Variants in PLXNA1 observed in about 807,000 individuals in gnomAD.
The protein encoded by PLXNA1 is plexin A1, also known as plexin-A1.
PLXNA1 carries 77 observed loss-of-function variants against 191.7 expected under a neutral mutation model. The ratio of observed to expected loss-of-function variants is 0.40; its 90% CI spans 0.33 to 0.49. PLXNA1 has a LOEUF of 0.49. Ranked by LOEUF, PLXNA1 falls within the 20% of genes least tolerant of loss-of-function variation. The probability of loss-of-function intolerance (pLI) is 0.63; values close to 1 mark genes in which losing one functional copy is unlikely to be tolerated. For synonymous variants in PLXNA1, 1,137 were observed against 1,156.4 expected, an observed-to-expected ratio of 0.98 and a Z score of 0.34; for missense variants, 2,110 against 2,660.2, an observed-to-expected ratio of 0.79 and a Z score of 4.55.
chr3:127,028,789 G>GGGGCT (rs2107637825), intron 25 of PLXNA1: 1 of 592,042 alleles, frequency 1.7e-6, no homozygotes, highest in Admixed American at 3.0e-5. Flanking sequence ...CCCTTAGGCT[G>GGGGCT]GGGCTGCTGT....
Position 127,014,314 on chromosome 3 carries a change from C to G in PLXNA1, c.2543C>G (p.Pro848Arg), listed in dbSNP as rs1215514835. The change falls in exon 12 of 32, where the codon CCT (proline) becomes CGT (arginine). Residue 848 changes from proline to arginine, a missense_variant. Pro to Arg is a moderately radical substitution (Grantham distance 103, BLOSUM62 -2). This residue lies in a region of PLXNA1 where 644 missense variants were observed against 714.3 expected (regional missense o/e 0.90). Coordinates refer to ENST00000393409, the MANE Select transcript of PLXNA1 (RefSeq NM_032242.4). ...CGACACCACTGCGCTGCCGACACAC[C>G]TGCATCGTGGATGCACGCGCGTCAC... ...SLRHHCAADTPASWMHARHGS... is the reference protein window; with the variant it reads ...SLRHHCAADTRASWMHARHGS... 3 of 1,597,526 alleles carry G rather than the reference C, an allele frequency of 1.9e-6. No homozygotes were observed. In the East Asian group the frequency reaches 6.7e-5, roughly 36 times the overall value.
chr3:127,016,437 A>AC, intron 15 of PLXNA1, 80 bp from the exon 16 acceptor site: 1 of 1,293,926 alleles, frequency 7.7e-7, no homozygotes, highest in Non-Finnish European at 1.1e-6. Context: ...CGCTGTTCCC[A>AC]CCGTCCCTCA....
At chr3:126,994,977 C>A (rs1317101555) in intron 3 of PLXNA1, among the ~76,000 whole-genome samples, 1 of 150,030 alleles carries the variant, frequency 6.7e-6, no homozygotes, top group East Asian at 1.9e-4. Context: ...CCCTGGGGAC[C>A]CCCAGCCCAC....
chr3:127,005,271 G>T, intron 7 of PLXNA1, 28 bp downstream of exon 7: 2 of 1,583,852 alleles, frequency 1.3e-6, no homozygotes, highest in Non-Finnish European at 8.6e-7. Flanking sequence ...AATGGTGCCC[G>T]CTGCCTGGCC....
chr3:126,991,006 A>G (rs1038421485), intron 2 of PLXNA1, among the ~76,000 whole-genome samples: 1 of 151,674 alleles, frequency 6.6e-6, no homozygotes, highest in Admixed American at 6.5e-5. Flanking sequence ...CTTCCTCCTG[A>G]GCAGCCTGGC....
chr3:127,006,858 C>T (rs2079070987), intron 8 of PLXNA1, among the ~76,000 whole-genome samples: 1 of 152,182 alleles, frequency 6.6e-6, no homozygotes, highest in Admixed American at 6.5e-5. Context: ...CTGTGAGTCC[C>T]ACTGTGAGCC....
intron 29 of PLXNA1, among the ~76,000 whole-genome samples, chr3:127,031,480 T>C (rs1419245767): frequency 6.6e-6 from 1 of 152,186 alleles, no homozygotes; most frequent in Non-Finnish European, 1.5e-5. Context: ...CCGTGCATCC[T>C]GCTGGGGTCT....
chr3:127,021,019 C>T (rs1474122146), intron 21 of PLXNA1, among the ~76,000 whole-genome samples: 4 of 152,342 alleles, frequency 2.6e-5, no homozygotes, highest in African/African-American at 4.8e-5. Context: ...TGGCGAGCCA[C>T]GGCCAGGGGC....
At chr3:127,029,735 C>G in intron 27 of PLXNA1, 139 bp from the exon 28 acceptor site, 1 of 1,126,256 alleles carries the variant, frequency 8.9e-7, no homozygotes, top group South Asian at 1.5e-5. Context: ...CACAATTATG[C>G]CACCTCTGTG....
At chr3:126,999,663 G>A (rs758976963) in intron 3 of PLXNA1, among the ~76,000 whole-genome samples, 12 of 152,214 alleles carry the variant, frequency 7.9e-5, no homozygotes, top group Non-Finnish European at 1.6e-4. Context: ...GCTGCCCGCC[G>A]GCAGCAGTTG....
Position 127,015,336 on chromosome 3 carries a change from G to T in PLXNA1, c.3014+16G>T, listed in dbSNP as rs374875401. The stretch of plus-strand genomic sequence containing the variant: ...CCTTCTCCTGGTACGGGGTGCAGGT[G>T]GGGGTGGGGGCCTGGCTGCCCCTCC... On this transcript the variant is annotated intron_variant, in intron 15 of 31. Coordinates refer to ENST00000393409, the MANE Select transcript of PLXNA1 (RefSeq NM_032242.4). 74 of 1,587,860 alleles carry T rather than the reference G, an allele frequency of 4.7e-5. No individual in the cohort carries two copies. The highest frequency in any genetic ancestry group is 1.7e-4 in the Middle Eastern group (1 of 5,960).
chr3:127,025,457 A>T lies in PLXNA1; in HGVS notation c.4363-2483A>T, dbSNP rs147256375. On this transcript the variant is annotated intron_variant, in intron 23 of 31. Transcript: ENST00000393409. ...AAAAATTTGTTATGGTGAAATACAC[A>T]TGACATAAAATTTACCATCTTAACC... Among the ~76,000 whole-genome samples the T allele has an allele frequency of 2.4e-4, 37 of 152,356 alleles. No homozygotes were observed. The East Asian group carries it at 6.7e-3, about 28-fold the overall frequency.
chr3:127,009,705 G>A (rs888935483), intron 9 of PLXNA1, among the ~76,000 whole-genome samples: 1 of 152,146 alleles, frequency 6.6e-6, no homozygotes. Flanking sequence ...CCCCCATGCT[G>A]GGAGGGGGTC....
At chr3:127,004,520 C>T in intron 4 of PLXNA1, 91 bp from the exon 5 acceptor site, 2 of 908,486 alleles carry the variant, frequency 2.2e-6, no homozygotes, top group South Asian at 2.9e-5. Flanking sequence ...CCTCCCCGGG[C>T]CTAAGGAGAG....
In PLXNA1 at chr3:127,032,816, A is replaced by G. The variant is rs1421634426; in HGVS notation, c.5575A>G (p.Ile1859Val). 1 of 1,613,160 alleles carries G rather than the reference A, an allele frequency of 6.2e-7. No individual in the cohort carries two copies. The change falls in exon 31 of 32, where the codon ATC becomes GTC. Residue 1859 changes from isoleucine (I) to valine (V), a missense_variant. Physicochemically the swap from Ile to Val is conservative, Grantham distance 29. Transcript: ENST00000393409. ...CGCCTTGCACGAGATCTACTCCTAC[A>G]TCACCAAGTACAAGGATGAGGTGAA... is the stretch of plus-strand genomic sequence containing the variant. ...MSALHEIYSYITKYKDEILAA... is the reference protein window; with the variant it reads ...MSALHEIYSYVTKYKDEILAA...
chr3:127,011,734 A>AC (rs763287221), intron 9 of PLXNA1, among the ~76,000 whole-genome samples: 67 of 152,150 alleles, frequency 4.4e-4, no homozygotes, highest in Non-Finnish European at 8.4e-4. Flanking sequence ...GGGTCCTAGA[A>AC]CATGGGGCAG....
At chr3:127,003,258 CCTT>C in intron 3 of PLXNA1, 69 bp from the exon 4 acceptor site, 1 of 1,482,718 alleles carries the variant, frequency 6.7e-7, no homozygotes, top group Non-Finnish European at 9.0e-7. Flanking sequence ...AGACCCCTGA[CCTT>C]CTGTGGGGGG....
chr3:127,007,894 G>A lies in PLXNA1; in HGVS notation c.2093G>A (p.Gly698Asp), dbSNP rs1318325016. ...GTGGCTGACTGCGCCTTCCTGGAGG[G>A]CCGTGTCAACGTGTCTGAGGTAAGG... ...HNVADCAFLE[G>D]RVNVSEDCPQ... Residue 698 changes from glycine (G) to aspartate (D), a missense_variant, in exon 9 of 32, where the codon GGC (glycine) becomes GAC (aspartate). Physicochemically the swap from Gly to Asp is moderately conservative, Grantham distance 94 (BLOSUM62 -1). Around this residue, in one of 4 missense-constraint regions of PLXNA1, gnomAD observed 903 missense variants for 1,015.7 expected, o/e 0.89. Coordinates refer to ENST00000393409, the MANE Select transcript of PLXNA1 (RefSeq NM_032242.4). 4 of 1,611,148 alleles carry A rather than the reference G, an allele frequency of 2.5e-6. No individual in the cohort carries two copies. The highest frequency in any genetic ancestry group is 3.4e-6 in the Non-Finnish European group (4 of 1,178,414).
At chr3:127,014,889 C>A in intron 14 of PLXNA1, 58 bp downstream of exon 14, 1 of 1,580,206 alleles carries the variant, frequency 6.3e-7, no homozygotes, top group Non-Finnish European at 8.6e-7. Context: ...GGGTGCCGCT[C>A]AGGGCTTCTG....
Sources: gnomAD v4.1 joint callset for allele counts (sites outside exome capture counted in the v4.1 genomes callset) on GRCh38, gnomAD v4.1.1 for gene constraint, gnomAD v4.1.1 regional missense constraint, MANE v1.5 for transcripts, NCBI Gene and HGNC (gene_info 2026-07-23, HGNC 2026-07-21) for gene names.